Variants in LYN observed in about 807,000 individuals in gnomAD.
LYN encodes tyrosine-protein kinase Lyn.
LYN carries 12 observed loss-of-function variants against 65.0 expected under a neutral mutation model. That is an observed-to-expected ratio of 0.18 (90% CI 0.12 to 0.30). The LOEUF is 0.30. Ranked by LOEUF, LYN falls within the 10% of genes least tolerant of loss-of-function variation. The probability of loss-of-function intolerance (pLI) is 1.00; values close to 1 mark genes in which losing one functional copy is unlikely to be tolerated. For missense variants in LYN, 380 were observed against 623.2 expected, an observed-to-expected ratio of 0.61 and a Z score of 4.16; for synonymous variants, 222 against 221.2, an observed-to-expected ratio of 1.00 and a Z score of -0.03.
chr8:55,962,612 T>C, intron 8 of LYN, among the ~76,000 whole-genome samples: 1 of 152,226 alleles, frequency 6.6e-6, no homozygotes, highest in African/African-American at 2.4e-5. Context: ...TGCTTTTGGG[T>C]GTGGCTATGG....
In LYN at chr8:55,920,936, A is replaced by T. The variant is rs190668315; in HGVS notation, c.-5-20919A>T. Among the ~76,000 whole-genome samples the T allele has an allele frequency of 4.4e-3, 674 of 152,254 alleles. 4 individuals are homozygous for T. Among genetic ancestry groups the T allele is most frequent in the African/African-American group, 0.015 (622 of 41,544 alleles). On this transcript the variant is annotated intron_variant, in intron 1 of 12. Transcript: ENST00000519728. ...GGTCTTGAACTCCTGACCTCAGGTG[A>T]TCTGCCCGCCTTAGCCTCCCAAAGT...
chr8:55,943,330 G>T (rs561676906), intron 2 of LYN, among the ~76,000 whole-genome samples: 1 of 152,224 alleles, frequency 6.6e-6, no homozygotes, highest in South Asian at 2.1e-4. Context: ...GCTGGGCATG[G>T]TGGTTCATGC....
chr8:55,901,737 T>G (rs1327452410), intron 1 of LYN, among the ~76,000 whole-genome samples: 2 of 152,220 alleles, frequency 1.3e-5, no homozygotes, highest in Non-Finnish European at 2.9e-5. Flanking sequence ...ACTGACCACT[T>G]CAGATATTTC....
chr8:55,978,650 A>ACAAGTCAGACTCAGC (rs912475165), intron 10 of LYN, among the ~76,000 whole-genome samples: 2 of 152,180 alleles, frequency 1.3e-5, no homozygotes, highest in Non-Finnish European at 2.9e-5. Flanking sequence ...GCTGAGAGGG[A>ACAAGTCAGACTCAGC]CAAGTCAGAG....
Position 56,013,307 on chromosome 8 carries a change from C to T in LYN, c.*3197C>T, listed in dbSNP as rs2130610205. On this transcript the variant is annotated 3_prime_UTR_variant, in exon 13 of 13. Transcript: ENST00000519728. ...TTTTTGACAGAGTCTCACTCTGTCA[C>T]GCAGGCTAGAGTTGCAGTGGTGCGA... 2 of 147,768 alleles carry T rather than the reference C, an allele frequency of 1.4e-5. No individual in the cohort carries two copies. 9.2% of individuals were successfully genotyped at this position (147,768 alleles called of 1,614,324 possible).
chr8:56,001,548 G>A (rs1183724259), intron 12 of LYN, among the ~76,000 whole-genome samples: 3 of 152,054 alleles, frequency 2.0e-5, no homozygotes, highest in Non-Finnish European at 2.9e-5. Flanking sequence ...ACAGTGGACC[G>A]GCTGTCCCAG....
At chr8:55,883,479 T>C (rs1048331233) in intron 1 of LYN, among the ~76,000 whole-genome samples, 1 of 152,130 alleles carries the variant, frequency 6.6e-6, no homozygotes, top group Non-Finnish European at 1.5e-5. Flanking sequence ...GAAAGGGTGG[T>C]CTCCAGTAAC....
intron 1 of LYN, among the ~76,000 whole-genome samples, chr8:55,897,860 T>A (rs58579760): frequency 1.1e-4 from 16 of 151,822 alleles, no homozygotes; most frequent in African/African-American, 3.9e-4. Context: ...CTGCAGTGAG[T>A]CGAGATCGCG....
chr8:55,941,528 T>C (rs1207815726), intron 1 of LYN, among the ~76,000 whole-genome samples: 1 of 152,206 alleles, frequency 6.6e-6, no homozygotes, highest in Non-Finnish European at 1.5e-5. Flanking sequence ...CCACCTCCTT[T>C]TCCTCTTGCC....
At chr8:55,980,951 G>T (rs1355331149) in intron 10 of LYN, among the ~76,000 whole-genome samples, 3 of 152,040 alleles carry the variant, frequency 2.0e-5, no homozygotes, top group East Asian at 3.8e-4. Context: ...CCGCTTGCTA[G>T]CCCCTGGCCA....
chr8:56,008,841 T>C (rs1018601422), intron 12 of LYN, among the ~76,000 whole-genome samples: 1 of 152,206 alleles, frequency 6.6e-6, no homozygotes, highest in African/African-American at 2.4e-5. Flanking sequence ...GTCTGTGAAG[T>C]AGCTCCACTT....
At chr8:55,946,857 G>A (rs974043941) in intron 3 of LYN, among the ~76,000 whole-genome samples, 8 of 152,114 alleles carry the variant, frequency 5.3e-5, no homozygotes, top group African/African-American at 1.9e-4. Context: ...TTTTGTGTTT[G>A]GATTATTTCA....
chr8:55,958,089 G>A (rs1056609330), intron 8 of LYN, among the ~76,000 whole-genome samples: 6 of 152,300 alleles, frequency 3.9e-5, no homozygotes, highest in African/African-American at 1.4e-4. Flanking sequence ...AGGCAGCCTG[G>A]AGCACACACC....
At chr8:55,961,321 C>A (rs934297842) in intron 8 of LYN, among the ~76,000 whole-genome samples, 1 of 152,138 alleles carries the variant, frequency 6.6e-6, no homozygotes, top group African/African-American at 2.4e-5. Flanking sequence ...CATAATTTTT[C>A]ATCTGTATTG....
chr8:55,931,911 C>T (rs1251667846), intron 1 of LYN, among the ~76,000 whole-genome samples: 2 of 152,110 alleles, frequency 1.3e-5, no homozygotes, highest in Non-Finnish European at 2.9e-5. Context: ...CTTCAAATGA[C>T]ATATCAACAT....
chr8:55,997,911 C>T (rs376326368), intron 10 of LYN, among the ~76,000 whole-genome samples: 8 of 151,896 alleles, frequency 5.3e-5, no homozygotes, highest in Non-Finnish European at 8.8e-5. Flanking sequence ...GGTGAAACCC[C>T]GTCTCTACTA....
chr8:55,913,197 A>T (rs1241026288), intron 1 of LYN, among the ~76,000 whole-genome samples: 1 of 152,228 alleles, frequency 6.6e-6, no homozygotes, highest in Non-Finnish European at 1.5e-5. Flanking sequence ...AAAATCTTTT[A>T]GCAAAAAGAT....
intron 1 of LYN, among the ~76,000 whole-genome samples, chr8:55,888,698 A>G (rs1250801552): frequency 6.6e-6 from 1 of 152,196 alleles, no homozygotes; most frequent in Non-Finnish European, 1.5e-5. Flanking sequence ...AGTGACCTGG[A>G]GAGTGACAGA....
chr8:55,896,236 C>T (rs1805094134), intron 1 of LYN, among the ~76,000 whole-genome samples: 1 of 151,466 alleles, frequency 6.6e-6, no homozygotes, highest in South Asian at 2.1e-4. Context: ...TGCCACTGCA[C>T]TCCAGCCTGG....
Sources: allele counts gnomAD v4.1 joint callset (sites outside exome capture counted in the v4.1 genomes callset), GRCh38; gene constraint gnomAD v4.1.1; transcripts MANE v1.5; gene names NCBI Gene and HGNC (gene_info 2026-07-23, HGNC 2026-07-21).